Variants in METTL21C observed in about 807,000 individuals in gnomAD.
The protein encoded by METTL21C is protein-lysine methyltransferase METTL21C.
A neutral mutation model predicts 25.9 loss-of-function variants in METTL21C; 21 were observed. That is an observed-to-expected ratio of 0.81 (90% CI 0.58 to 1.17). METTL21C has a LOEUF of 1.17. METTL21C is among the 50% of genes most tolerant of loss of function. The pLI is 0.00. For missense variants in METTL21C, 312 were observed against 315.1 expected (o/e 0.99, Z 0.07); for synonymous variants, 125 against 124.7 (o/e 1.00, Z -0.01).
Position 102,686,170 on chromosome 13 carries a change from A to T in METTL21C, c.656T>A (p.Leu219Gln), listed in dbSNP as rs1478227724. 2 of 1,614,238 alleles carry T rather than the reference A, an allele frequency of 1.2e-6. No individual in the cohort carries two copies. The highest frequency in any genetic ancestry group is 1.7e-6 in the Non-Finnish European group (2 of 1,180,038). The stretch of plus-strand genomic sequence containing the variant: ...GAACCTGAATTTGTTTGCCCAAAGC[A>T]GCACCGTCCCTGGCTGGGAAAGGTA... ...MVYLSQPGTV[L>Q]LWANKFRFST... The change falls in exon 4 of 4, where the codon CTG becomes CAG. Residue 219 changes from leucine to glutamine, a missense_variant. By Grantham distance (113) the Leu-to-Gln change is moderately radical. Transcript: ENST00000267273.
chr13:102,700,969 G>C, the METTL21C span, among the ~76,000 whole-genome samples: 14 of 151,896 alleles, frequency 9.2e-5, no homozygotes, highest in Admixed American at 1.3e-4. Context: ...CACTAATCAT[G>C]CTCCGATTTT....
upstream of METTL21C, among the ~76,000 whole-genome samples, chr13:102,698,920 C>A (rs1441148169): frequency 6.6e-6 from 1 of 152,180 alleles, no homozygotes; most frequent in Admixed American, 6.5e-5. Flanking sequence ...AGTTCATGGA[C>A]CTTCTGTTTA....
chr13:102,691,394 G>A (rs534983513), intron 1 of METTL21C, among the ~76,000 whole-genome samples: 1 of 151,896 alleles, frequency 6.6e-6, no homozygotes, highest in East Asian at 1.9e-4. Context: ...CTGTTGCCCA[G>A]GCTAGAGTGC....
chr13:102,690,724 G>A, intron 2 of METTL21C, 89 bp downstream of exon 2: 3 of 1,469,180 alleles, frequency 2.0e-6, no homozygotes, highest in East Asian at 2.4e-5. Context: ...AGGATATGAA[G>A]GAACTTGACA....
At chr13:102,698,331 G>A (rs775030845), upstream of METTL21C, among the ~76,000 whole-genome samples, 3 of 152,236 alleles carry the variant, frequency 2.0e-5, no homozygotes, top group East Asian at 3.9e-4. Context: ...AGACTAAAAT[G>A]AGCTTGCAGC....
intron 2 of METTL21C, 78 bp from the exon 3 acceptor site, chr13:102,687,135 T>A: frequency 9.8e-7 from 1 of 1,021,294 alleles, no homozygotes; most frequent in Non-Finnish European, 1.5e-6. Context: ...CACCCAAATT[T>A]AAATACTAAA....
chr13:102,704,081 A>G, the METTL21C span, among the ~76,000 whole-genome samples: 1 of 152,252 alleles, frequency 6.6e-6, no homozygotes, highest in Non-Finnish European at 1.5e-5. Flanking sequence ...GCCGTAACTC[A>G]TAAACCAGCT....
chr13:102,687,059 T>TA lies in METTL21C; in HGVS notation c.283-3dup, dbSNP rs749149024. On this transcript the variant is annotated splice_polypyrimidine_tract_variant and splice_region_variant and intron_variant, in intron 2 of 3. Coordinates refer to ENST00000267273, the MANE Select transcript of METTL21C (RefSeq NM_001010977.3). ...CAAGTATTGACACAAAGCCATAGCC[T>TA]AAAAAATAATTATAACTTTTCATGT... 2.0e-4 allele frequency: 326 copies of TA among 1,606,814 alleles called. No individual in the cohort carries two copies. The highest frequency in any genetic ancestry group is 2.5e-4 in the Non-Finnish European group (290 of 1,173,634).
At chr13:102,703,695 G>A in the METTL21C span, among the ~76,000 whole-genome samples, 1 of 152,232 alleles carries the variant, frequency 6.6e-6, no homozygotes, top group Non-Finnish European at 1.5e-5. Context: ...GATGGGGCTT[G>A]TGAAAATATA....
chr13:102,689,177 G>A (rs1885762648), intron 2 of METTL21C, among the ~76,000 whole-genome samples: 1 of 152,020 alleles, frequency 6.6e-6, no homozygotes, highest in Non-Finnish European at 1.5e-5. Context: ...CGATCCTCTT[G>A]CCTCGGCTTC....
At position 102,692,349 on chromosome 13, in the gene METTL21C, T is replaced by C. The variant is rs566276123; in HGVS notation, c.131-1385A>G. Among the ~76,000 whole-genome samples, 417 of 152,184 alleles carry C rather than the reference T, an allele frequency of 2.7e-3. 2 individuals are homozygous for C. Among genetic ancestry groups the C allele is most frequent in the African/African-American group, 9.4e-3 (389 of 41,506 alleles). The stretch of plus-strand genomic sequence containing the variant: ...CTCATTCCATACACACTGGAACAGT[T>C]CCCTGCCACTGCTCTGCAAATGCTG... On this transcript the variant is annotated intron_variant, in intron 1 of 3. Coordinates refer to ENST00000267273, the MANE Select transcript of METTL21C (RefSeq NM_001010977.3).
At chr13:102,698,953 A>G (rs1885990179), upstream of METTL21C, among the ~76,000 whole-genome samples, 1 of 152,178 alleles carries the variant, frequency 6.6e-6, no homozygotes, top group African/African-American at 2.4e-5. Flanking sequence ...GAAGGTCACA[A>G]CTGCAGTCAC....
chr13:102,688,774 G>A (rs2138879471), intron 2 of METTL21C, among the ~76,000 whole-genome samples: 1 of 152,308 alleles, frequency 6.6e-6, no homozygotes, highest in Non-Finnish European at 1.5e-5. Flanking sequence ...GGTCCTTCCT[G>A]GTGCCCTGCC....
chr13:102,704,080 C>T, the METTL21C span, among the ~76,000 whole-genome samples: 4 of 152,224 alleles, frequency 2.6e-5, no homozygotes, highest in Non-Finnish European at 5.9e-5. Flanking sequence ...TGCCGTAACT[C>T]ATAAACCAGC....
chr13:102,695,399 G>GA (rs1885931735), upstream of METTL21C, among the ~76,000 whole-genome samples: 1 of 152,150 alleles, frequency 6.6e-6, no homozygotes, highest in Non-Finnish European at 1.5e-5. Context: ...AAAAGGGAAG[G>GA]AGAAAAATCA....
upstream of METTL21C, among the ~76,000 whole-genome samples, chr13:102,699,348 G>A (rs762355747): frequency 3.0e-4 from 45 of 152,132 alleles, no homozygotes; most frequent in African/African-American, 5.8e-4. Flanking sequence ...CCCTGGCTCC[G>A]TTGCTTCTTC....
chr13:102,697,236 C>A (rs536123357), upstream of METTL21C, among the ~76,000 whole-genome samples: 1 of 152,084 alleles, frequency 6.6e-6, no homozygotes, highest in Non-Finnish European at 1.5e-5. Context: ...TGGGCACTGC[C>A]TTTTTTCCTA....
At position 102,686,024 on chromosome 13, in the gene METTL21C, G is replaced by A; in HGVS notation, c.*7C>T. ...ACAGTAACGTTGTGAAAGGCATTTT[G>A]TTGGATTTAGTCCCATTTTAGTATC... On this transcript the variant is annotated 3_prime_UTR_variant, in exon 4 of 4. Transcript: ENST00000267273. 1.3e-6 allele frequency: 2 copies of A among 1,552,174 alleles called. No homozygotes were observed. The highest frequency in any genetic ancestry group is 1.7e-6 in the Non-Finnish European group (2 of 1,148,124).
At chr13:102,702,155 C>T in the METTL21C span, among the ~76,000 whole-genome samples, 1 of 149,738 alleles carries the variant, frequency 6.7e-6, no homozygotes. Context: ...CAGAGCAAGA[C>T]TCTGCCTCAA....
Sources: gnomAD v4.1 joint callset for allele counts (sites outside exome capture counted in the v4.1 genomes callset) on GRCh38, gnomAD v4.1.1 for gene constraint, MANE v1.5 for transcripts, NCBI Gene and HGNC (gene_info 2026-07-23, HGNC 2026-07-21) for gene names.